Variants in SPIDR observed in about 807,000 individuals in gnomAD.
SPIDR encodes the protein scaffold protein involved in DNA repair.
Under a neutral mutation model 104.6 loss-of-function variants are expected in SPIDR, and 93 were observed. That is an observed-to-expected ratio of 0.89 (90% CI 0.75 to 1.06). The LOEUF (loss-of-function observed/expected upper bound fraction) is 1.06. SPIDR is among the 50% of genes least tolerant of loss of function. The pLI is 0.00. For synonymous variants in SPIDR, 431 were observed against 416.9 expected (o/e 1.03, Z -0.41); for missense variants, 1,154 against 1,111.2 (o/e 1.04, Z -0.55).
intron 10 of SPIDR, among the ~76,000 whole-genome samples, chr8:47,662,592 A>G (rs575044541): frequency 3.3e-5 from 5 of 152,296 alleles, no homozygotes; most frequent in African/African-American, 7.2e-5. Context: ...TTCCCTCACC[A>G]GTGCCATTAT....
intron 6 of SPIDR, among the ~76,000 whole-genome samples, chr8:47,401,786 A>C (rs2061932017): frequency 1.3e-5 from 2 of 152,240 alleles, no homozygotes; most frequent in Admixed American, 1.3e-4. Flanking sequence ...AGAGCTAACT[A>C]TCCTAAATAT....
chr8:47,275,546 A>C (rs934009013), intron 1 of SPIDR, among the ~76,000 whole-genome samples: 5 of 152,118 alleles, frequency 3.3e-5, no homozygotes, highest in Admixed American at 2.0e-4. Flanking sequence ...TTGGCGTTGC[A>C]TATATTTTTT....
intron 5 of SPIDR, among the ~76,000 whole-genome samples, chr8:47,323,536 C>G (rs1461262715): frequency 6.6e-6 from 1 of 152,190 alleles, no homozygotes; most frequent in African/African-American, 2.4e-5. Context: ...TGTCAGTCAT[C>G]CTAGGCTCAG....
At chr8:47,367,167 G>A (rs542644675) in intron 5 of SPIDR, among the ~76,000 whole-genome samples, 2 of 152,276 alleles carry the variant, frequency 1.3e-5, no homozygotes, top group East Asian at 3.9e-4. Flanking sequence ...AGCAGGAGAG[G>A]GGTTTATGTG....
At chr8:47,502,781 T>C (rs1336253242) in intron 8 of SPIDR, among the ~76,000 whole-genome samples, 1 of 152,254 alleles carries the variant, frequency 6.6e-6, no homozygotes. Context: ...TTTAGTGCTA[T>C]AAATTTCCCT....
chr8:47,691,286 G>C (rs1315474299), intron 11 of SPIDR, among the ~76,000 whole-genome samples: 8 of 96,682 alleles, frequency 8.3e-5, no homozygotes, highest in Admixed American at 2.6e-4. Flanking sequence ...GCAAGACTCC[G>C]TCTCAAAAAA....
chr8:47,440,663 A>G (rs1216132103), intron 8 of SPIDR, 121 bp downstream of exon 8: 85 of 975,940 alleles, frequency 8.7e-5, no homozygotes, highest in Non-Finnish European at 1.2e-4. Flanking sequence ...GAAGAGAGCC[A>G]GGATTGGACG....
intron 5 of SPIDR, among the ~76,000 whole-genome samples, chr8:47,387,338 A>G (rs1330302474): frequency 6.6e-6 from 1 of 152,122 alleles, no homozygotes; most frequent in Non-Finnish European, 1.5e-5. Context: ...GAAGTTGTTT[A>G]TAGGATCTTA....
At chr8:47,310,736 T>C (rs2043993492) in intron 5 of SPIDR, among the ~76,000 whole-genome samples, 1 of 152,098 alleles carries the variant, frequency 6.6e-6, no homozygotes, top group Admixed American at 6.5e-5. Flanking sequence ...TAAAGAAGGG[T>C]GTCCCAAATT....
intron 7 of SPIDR, among the ~76,000 whole-genome samples, chr8:47,422,365 G>C (rs1430977115): frequency 2.6e-5 from 4 of 152,168 alleles, no homozygotes; most frequent in Admixed American, 1.3e-4. Flanking sequence ...AGACTGCTGT[G>C]CTAGCAATGA....
chr8:47,476,740 GA>G (rs1449721862), intron 8 of SPIDR, among the ~76,000 whole-genome samples: 1 of 152,190 alleles, frequency 6.6e-6, no homozygotes, highest in Non-Finnish European at 1.5e-5. Flanking sequence ...AATTGGCTTA[GA>G]AAAATACCAG....
chr8:47,574,040 T>G (rs548874719), intron 8 of SPIDR, among the ~76,000 whole-genome samples: 1 of 152,376 alleles, frequency 6.6e-6, no homozygotes, highest in African/African-American at 2.4e-5. Context: ...ATTTATCTAT[T>G]TTAGCTGAGG....
intron 7 of SPIDR, among the ~76,000 whole-genome samples, chr8:47,418,797 A>G (rs955763354): frequency 1.3e-5 from 2 of 152,206 alleles, no homozygotes. Flanking sequence ...CGTCCCATCA[A>G]TACCTAATTT....
At chr8:47,460,227 T>TGGA (rs1371932680) in intron 8 of SPIDR, among the ~76,000 whole-genome samples, 1 of 152,194 alleles carries the variant, frequency 6.6e-6, no homozygotes, top group Non-Finnish European at 1.5e-5. Context: ...GTCCTATCAG[T>TGGA]GGAGTGTTGA....
chr8:47,260,914 G>A (rs927986790), upstream of SPIDR: 4 of 1,215,262 alleles, frequency 3.3e-6, no homozygotes, highest in African/African-American at 1.6e-5. Context: ...GAGGTGGGAC[G>A]GCGGCGCGCT....
At chr8:47,693,824 A>G (rs888593742) in intron 11 of SPIDR, among the ~76,000 whole-genome samples, 1 of 152,190 alleles carries the variant, frequency 6.6e-6, no homozygotes, top group Non-Finnish European at 1.5e-5. Context: ...TTCTTACAGG[A>G]ATTGCCTCTT....
intron 14 of SPIDR, among the ~76,000 whole-genome samples, chr8:47,706,499 G>T (rs1410469143): frequency 6.6e-6 from 1 of 152,208 alleles, no homozygotes; most frequent in Non-Finnish European, 1.5e-5. Context: ...GTGTGTATGT[G>T]TGCGTGCACT....
chr8:47,643,951 G>C (rs1271351894), intron 10 of SPIDR, among the ~76,000 whole-genome samples: 1 of 152,152 alleles, frequency 6.6e-6, no homozygotes, highest in Non-Finnish European at 1.5e-5. Context: ...TATAGTTAGT[G>C]ACATGTAAAT....
chr8:47,356,906 C>T (rs553891008), intron 5 of SPIDR, among the ~76,000 whole-genome samples: 6 of 152,288 alleles, frequency 3.9e-5, no homozygotes, highest in African/African-American at 1.4e-4. Context: ...CTATTTTACA[C>T]ATATTTTCTC....
Sources: allele counts gnomAD v4.1 joint callset (sites outside exome capture counted in the v4.1 genomes callset), GRCh38; gene constraint gnomAD v4.1.1; transcripts MANE v1.5; gene names NCBI Gene and HGNC (gene_info 2026-07-23, HGNC 2026-07-21).